Variants in PCBP2 observed in about 807,000 individuals in gnomAD.
PCBP2 encodes poly(rC)-binding protein 2.
In PCBP2, 4 loss-of-function variants were observed where a neutral mutation model predicts 50.1. The ratio of observed to expected loss-of-function variants is 0.08; its 90% CI spans 0.04 to 0.18. PCBP2 has a LOEUF of 0.18. Ranked by LOEUF, PCBP2 falls within the 10% of genes least tolerant of loss-of-function variation. PCBP2 has a pLI of 1.00. For missense variants in PCBP2, 161 were observed against 474.3 expected, an observed-to-expected ratio of 0.34 and a Z score of 6.14; for synonymous variants, 179 against 168.0, an observed-to-expected ratio of 1.07 and a Z score of -0.51.
Position 53,459,254 on chromosome 12 carries a change from T to C in PCBP2, c.244-18T>C, listed in dbSNP as rs776295704. On this transcript the variant is annotated intron_variant, in intron 5 of 14. Transcript: ENST00000546463. The stretch of plus-strand genomic sequence containing the variant: ...GTTTCCAGGGATCTGCTTATTGTGG[T>C]GTTCTTTCTTTCTGTAGGACATAAG... 1 of 1,587,122 alleles carries C rather than the reference T, an allele frequency of 6.3e-7. No individual in the cohort carries two copies. The highest frequency in any genetic ancestry group is 1.8e-5 in the Admixed American group (1 of 56,286).
At chr12:53,470,507 A>G (rs951763963) in intron 13 of PCBP2, among the ~76,000 whole-genome samples, 7 of 151,118 alleles carry the variant, frequency 4.6e-5, no homozygotes, top group Non-Finnish European at 7.4e-5. Context: ...CAGGCTTAAG[A>G]GATCCTCCCA....
Position 53,454,817 on chromosome 12 carries a change from T to C in PCBP2, c.17T>C (p.Ile6Thr), listed in dbSNP as rs1189992609. The C allele has an allele frequency of 6.2e-7, 1 of 1,614,116 alleles. No individual in the cohort carries two copies. The highest frequency in any genetic ancestry group is 8.5e-7 in the Non-Finnish European group (1 of 1,179,958). Residue 6 changes from isoleucine (I) to threonine (T), a missense_variant, in exon 2 of 15, where the codon ATT (isoleucine) becomes ACT (threonine). Coordinates refer to ENST00000546463, the MANE Select transcript of PCBP2 (RefSeq NM_031989.5). ...CTGCTCGACATGGACACCGGTGTGA[T>C]TGAAGGTGGATTAAATGTCACTCTC... MDTGV[I>T]EGGLNVTLTI...
At chr12:53,460,993 T>C in intron 6 of PCBP2, 22 bp from the exon 7 acceptor site, 1 of 1,611,748 alleles carries the variant, frequency 6.2e-7, no homozygotes, top group Non-Finnish European at 8.5e-7. Flanking sequence ...TCTCTGATTT[T>C]GAATTTCTTT....
chr12:53,452,225 C>T lies in PCBP2; in HGVS notation c.-227C>T, dbSNP rs1438524543. The T allele has an allele frequency of 7.8e-6, 1 of 128,350 alleles. No individual in the cohort carries two copies. The highest frequency in any genetic ancestry group is 1.7e-5 in the Non-Finnish European group (1 of 59,262). 8.0% of individuals were successfully genotyped at this position (128,350 alleles called of 1,614,324 possible). On this transcript the variant is annotated 5_prime_UTR_variant, in exon 1 of 15. Coordinates refer to ENST00000546463, the MANE Select transcript of PCBP2 (RefSeq NM_031989.5). ...CCGCCCCGGGGTCTCTTTCCCCCTTCCTCCTCCTCCTCCTCCACCCCCCCT... is the reference window on the plus strand; with the variant it reads ...CCGCCCCGGGGTCTCTTTCCCCCTTTCTCCTCCTCCTCCTCCACCCCCCCT...
chr12:53,471,445 G>A (rs1221599256), intron 13 of PCBP2, among the ~76,000 whole-genome samples, 193 bp from the exon 14 acceptor site: 1 of 151,990 alleles, frequency 6.6e-6, no homozygotes, highest in Non-Finnish European at 1.5e-5. Flanking sequence ...GGGCATGGTG[G>A]CATGCGCCTG....
At chr12:53,477,833 A>G (rs1942733371) in intron 14 of PCBP2, among the ~76,000 whole-genome samples, 1 of 152,216 alleles carries the variant, frequency 6.6e-6, no homozygotes, top group Non-Finnish European at 1.5e-5. Context: ...TGGAAGGGAT[A>G]CAGATGGTGA....
chr12:53,478,319 C>A (rs767446088), intron 14 of PCBP2, among the ~76,000 whole-genome samples: 5 of 151,330 alleles, frequency 3.3e-5, no homozygotes, highest in African/African-American at 7.3e-5. Flanking sequence ...ACCAGCCTGG[C>A]CAACATGGTG....
rs764120024 is a variant in PCBP2, at chr12:53,471,627, T to C, written c.883-11T>C. ...TAATTCGGTGTGCCTTGTTTTTCTTTCTCCCTTAAGTTGATTGGCTGCATA... is the reference window on the plus strand; with the variant it reads ...TAATTCGGTGTGCCTTGTTTTTCTTCCTCCCTTAAGTTGATTGGCTGCATA... On this transcript the variant is annotated splice_polypyrimidine_tract_variant and intron_variant, in intron 13 of 14. Transcript: ENST00000546463. The C allele has an allele frequency of 6.2e-7, 1 of 1,603,034 alleles. No homozygotes were observed. The highest frequency in any genetic ancestry group is 8.5e-7 in the Non-Finnish European group (1 of 1,173,922).
chr12:53,469,914 G>A (rs1033026585), intron 13 of PCBP2, among the ~76,000 whole-genome samples: 1 of 151,766 alleles, frequency 6.6e-6, no homozygotes, highest in Admixed American at 6.6e-5. Context: ...GCTGATTTTT[G>A]TATTTTTTTT....
At chr12:53,467,776 C>G (rs763202046) in intron 11 of PCBP2, 29 bp from the exon 12 acceptor site, 2 of 1,597,464 alleles carry the variant, frequency 1.3e-6, no homozygotes, top group South Asian at 2.2e-5. Flanking sequence ...ATGAGACCAC[C>G]AAACTCATTT....
In PCBP2 at chr12:53,467,382, A is replaced by G. The variant is rs1592665707; in HGVS notation, c.787+89A>G. ...CTCAGCTTGACATCTGTTTAAAACA[A>G]ACTTCGTTATCCAGCATCCTGCTGG... On this transcript the variant is annotated intron_variant, in intron 11 of 14. Transcript: ENST00000546463. 6 of 1,083,224 alleles carry G rather than the reference A, an allele frequency of 5.5e-6. No individual in the cohort carries two copies. In the East Asian group the frequency reaches 1.4e-4, roughly 25 times the overall value. The allele number at this position is 1,083,224 out of a possible 1,614,324, so 67.1% of individuals were successfully genotyped here. A position where few individuals can be genotyped will look rare whatever the true frequency, so the allele number is the denominator to read the frequency against.
chr12:53,471,853 G>C, intron 14 of PCBP2, 46 bp downstream of exon 14: 1 of 1,532,788 alleles, frequency 6.5e-7, no homozygotes, highest in East Asian at 2.3e-5. Context: ...ACACAGTAAT[G>C]TGTGTGTTGG....
At position 53,479,539 on chromosome 12, in the gene PCBP2, A is replaced by G. The variant is rs1158996846; in HGVS notation, c.*97A>G. On this transcript the variant is annotated 3_prime_UTR_variant, in exon 15 of 15. Coordinates refer to ENST00000546463, the MANE Select transcript of PCBP2 (RefSeq NM_031989.5). ...AACAGTCAGCGATTCCAGGTTTTAA[A>G]TAGTTTGTAAATTTTCAGTTTCTAC... The G allele has an allele frequency of 1.8e-6, 2 of 1,087,354 alleles. No homozygotes were observed. Among genetic ancestry groups the G allele is most frequent in the Non-Finnish European group, 2.8e-6 (2 of 723,132 alleles). The allele number at this position is 1,087,354 out of a possible 1,614,324, so 67.4% of individuals were successfully genotyped here. A position where few individuals can be genotyped will look rare whatever the true frequency, so the allele number is the denominator to read the frequency against.
chr12:53,472,670 T>G (rs1436373755), intron 14 of PCBP2, among the ~76,000 whole-genome samples: 1 of 152,220 alleles, frequency 6.6e-6, no homozygotes, highest in African/African-American at 2.4e-5. Context: ...CATAAAAGTT[T>G]TACATGAGTT....
chr12:53,465,059 ATT>A (rs952108319), intron 9 of PCBP2: 7 of 385,578 alleles, frequency 1.8e-5, no homozygotes, highest in East Asian at 9.2e-5. Flanking sequence ...TTTTTTTTTA[ATT>A]TTTTTTTTGT....
rs985251613 is a variant in PCBP2 at position 53,467,095 on chromosome 12, C to A, written c.715-126C>A. ...ATTGTGATGCAAGCCCCATCCCTAC[C>A]CTCTGTTGTAGTTTGAGTAGTAGAG... On this transcript the variant is annotated intron_variant, in intron 10 of 14. Coordinates refer to ENST00000546463, the MANE Select transcript of PCBP2 (RefSeq NM_031989.5). The A allele has an allele frequency of 8.9e-6, 6 of 670,556 alleles. No individual in the cohort carries two copies. The East Asian group carries it at 1.5e-4, about 17-fold the overall frequency. The allele number at this position is 670,556 out of a possible 1,614,324, so 41.5% of individuals were successfully genotyped here. A position where few individuals can be genotyped will look rare whatever the true frequency, so the allele number is the denominator to read the frequency against.
chr12:53,476,498 A>C (rs968636761), intron 14 of PCBP2, among the ~76,000 whole-genome samples: 1 of 152,208 alleles, frequency 6.6e-6, no homozygotes, highest in Non-Finnish European at 1.5e-5. Context: ...AAATGTTCTT[A>C]GTATGGTGGT....
chr12:53,476,936 GC>G (rs1942626597), intron 14 of PCBP2, among the ~76,000 whole-genome samples: 1 of 152,092 alleles, frequency 6.6e-6, no homozygotes, highest in Non-Finnish European at 1.5e-5. Flanking sequence ...TGATTGGAAG[GC>G]CTCTTAACCT....
At chr12:53,473,087 T>G (rs1216592989) in intron 14 of PCBP2, among the ~76,000 whole-genome samples, 1 of 150,184 alleles carries the variant, frequency 6.7e-6, no homozygotes, top group Non-Finnish European at 1.5e-5. Flanking sequence ...TGTTTTTCTT[T>G]CTTTTTTTTT....
Sources: gnomAD v4.1 joint callset for allele counts (sites outside exome capture counted in the v4.1 genomes callset) on GRCh38, gnomAD v4.1.1 for gene constraint, MANE v1.5 for transcripts, NCBI Gene and HGNC (gene_info 2026-07-23, HGNC 2026-07-21) for gene names.